The following PSD4 variants were observed in gnomAD, a reference collection of about 807,000 sequenced individuals.
PSD4 encodes the protein PH and SEC7 domain-containing protein 4.
Under a neutral mutation model 112.5 loss-of-function variants are expected in PSD4, and 59 were observed. That is an observed-to-expected ratio of 0.52 (90% confidence interval 0.43 to 0.65). The LOEUF (loss-of-function observed/expected upper bound fraction) is 0.65, where lower values mean the gene tolerates loss of function less well. PSD4 is among the 30% of genes least tolerant of loss of function. The pLI is 0.00. For synonymous variants in PSD4, 533 were observed against 540.0 expected (o/e 0.99, Z 0.18); for missense variants, 1,267 against 1,352.6 (o/e 0.94, Z 0.99).
intron 11 of PSD4, 116 bp from the exon 12 acceptor site, chr2:113,196,031 G>C: frequency 7.5e-7 from 1 of 1,335,402 alleles, no homozygotes; most frequent in Non-Finnish European, 1.0e-6. Flanking sequence ...CTTGTGGGGG[G>C]TCCTGGGGTG....
At chr2:113,198,460 C>T (rs1688673934) in intron 14 of PSD4, 4 of 355,372 alleles carry the variant, frequency 1.1e-5, no homozygotes, top group African/African-American at 2.1e-5. Flanking sequence ...TTAGTAGAGA[C>T]GGGGTTTCAC....
chr2:113,197,447 G>T (rs760176790), intron 12 of PSD4, 117 bp from the exon 13 acceptor site: 3 of 1,018,540 alleles, frequency 2.9e-6, no homozygotes, highest in Admixed American at 2.0e-5. Flanking sequence ...TGTGCATCCT[G>T]GTGAGAGACT....
At chr2:113,192,707 C>A in intron 6 of PSD4, 118 bp downstream of exon 6, 2 of 1,071,800 alleles carry the variant, frequency 1.9e-6, no homozygotes, top group South Asian at 3.1e-5. Context: ...CCCTTCCCAT[C>A]TCCCCTCCTA....
At chr2:113,198,442 G>T (rs13383829) in intron 14 of PSD4, 1 of 324,368 alleles carries the variant, frequency 3.1e-6, no homozygotes, top group Non-Finnish European at 5.6e-6. Flanking sequence ...TGGCTAATTT[G>T]TGTATTTTTA....
chr2:113,180,909 G>A (rs1369631560), intron 1 of PSD4, among the ~76,000 whole-genome samples: 11 of 152,028 alleles, frequency 7.2e-5, no homozygotes, highest in Admixed American at 7.2e-4. Flanking sequence ...AAGAAAATGA[G>A]GCAAAGGGAA....
intron 5 of PSD4, 131 bp downstream of exon 5, chr2:113,186,386 G>A: frequency 9.8e-7 from 1 of 1,020,478 alleles, no homozygotes; most frequent in Non-Finnish European, 1.4e-6. Flanking sequence ...AGGATTATAT[G>A]AGTGGGTACC....
chr2:113,180,503 C>T (rs1032243171), intron 1 of PSD4, among the ~76,000 whole-genome samples: 1 of 152,142 alleles, frequency 6.6e-6, no homozygotes, highest in African/African-American at 2.4e-5. Flanking sequence ...GGTCTGGAGC[C>T]CTGGACGAGG....
intron 5 of PSD4, among the ~76,000 whole-genome samples, chr2:113,188,390 T>C (rs1688357853): frequency 6.6e-6 from 1 of 150,792 alleles, no homozygotes; most frequent in Admixed American, 6.6e-5. Context: ...ATTACAGGCG[T>C]GTGCCACCAT....
rs761173282 is a variant in PSD4, at chr2:113,195,779, G to C, written c.2225+9G>C. On this transcript the variant is annotated intron_variant, in intron 11 of 16. Transcript: ENST00000245796. ...AAGCTCGAGTGGGCCGTGTGAGTGA[G>C]ACTCCCTTTCCCCTCTCCCTCTCAC... 1 of 1,614,142 alleles carries C rather than the reference G, an allele frequency of 6.2e-7. No homozygotes were observed. Among genetic ancestry groups the C allele is most frequent in the Non-Finnish European group, 8.5e-7 (1 of 1,180,032 alleles).
Position 113,182,993 on chromosome 2 carries a change from G to A in PSD4, c.537G>A (p.Gly179=). The A allele has an allele frequency of 6.2e-7, 1 of 1,614,174 alleles. No individual in the cohort carries two copies. The highest frequency in any genetic ancestry group is 8.5e-7 in the Non-Finnish European group (1 of 1,180,010). The change falls in exon 2 of 17, where the codon GGG becomes GGA. Residue 179 remains glycine, a synonymous_variant. Coordinates refer to ENST00000245796, the MANE Select transcript of PSD4 (RefSeq NM_012455.3). The stretch of plus-strand genomic sequence containing the variant: ...AGGAGGAGCTGGAGAAGACGGAAGG[G>A]CTCAAGGCTGGGCTGAAATGCTGTC... The part of the protein sequence containing the change: ...DLEEELEKTE[G]LKAGLKCCLP...
chr2:113,188,018 C>G (rs1378234790), intron 5 of PSD4, among the ~76,000 whole-genome samples: 4 of 151,842 alleles, frequency 2.6e-5, no homozygotes, highest in African/African-American at 9.7e-5. Context: ...AATCGGGAAC[C>G]AAAAGAGATT....
In PSD4 at chr2:113,193,273, C is replaced by T; in HGVS notation, c.1935C>T (p.Ala645=). The T allele has an allele frequency of 4.4e-6, 7 of 1,588,288 alleles. No homozygotes were observed. Among genetic ancestry groups the T allele is most frequent in the Non-Finnish European group, 6.0e-6 (7 of 1,169,126 alleles). The change falls in exon 8 of 17, where the codon GCC becomes GCT. Residue 645 remains alanine (A), a synonymous_variant. Transcript: ENST00000245796. The part of the protein sequence containing the change: ...LDRALRSFLQ[A]LVLSGETQER... ...TCCTTTGCAGGAGCTTCCTCCAGGC[C>T]TTGGTGCTCAGTGGGGAGACTCAGG...
chr2:113,203,354 G>C lies in PSD4; in HGVS notation c.*1939G>C, dbSNP rs1449583480. 6.6e-6 allele frequency: 1 copy of C among 152,118 alleles called. No individual in the cohort carries two copies. 9.4% of individuals were successfully genotyped at this position (152,118 alleles called of 1,614,324 possible). A position where few individuals can be genotyped will look rare whatever the true frequency, so the allele number is the denominator to read the frequency against. On this transcript the variant is annotated 3_prime_UTR_variant, in exon 17 of 17. Coordinates refer to ENST00000245796, the MANE Select transcript of PSD4 (RefSeq NM_012455.3). ...CAGGGATGCTGATTCAGTCAGCCTG[G>C]GTCAGAGGGATAGATAAATATGTTT...
chr2:113,186,276 C>T, intron 5 of PSD4, 21 bp downstream of exon 5: 2 of 1,539,464 alleles, frequency 1.3e-6, no homozygotes, highest in Non-Finnish European at 1.7e-6. Flanking sequence ...GACTAACTGG[C>T]TCTCATGCTC....
chr2:113,199,244 C>G lies in PSD4; in HGVS notation c.2913+18C>G, dbSNP rs2305133. 0.48 allele frequency: 691,503 copies of G among 1,450,306 alleles called. 168,955 individuals are homozygous for G. Among genetic ancestry groups the G allele is most frequent in the East Asian group, 0.64 (21,636 of 33,752 alleles). 89.8% of individuals were successfully genotyped at this position (1,450,306 alleles called of 1,614,324 possible). On this transcript the variant is annotated intron_variant, in intron 16 of 16. Coordinates refer to ENST00000245796, the MANE Select transcript of PSD4 (RefSeq NM_012455.3). ...AGTACGAGGTGAGCGGCCGAGCCCA[C>G]CTCCCCGCCGCTGCGCAGCGCCCTC...
At chr2:113,179,602 A>C (rs528758697) in intron 1 of PSD4, among the ~76,000 whole-genome samples, 3 of 152,210 alleles carry the variant, frequency 2.0e-5, no homozygotes, top group Admixed American at 1.3e-4. Flanking sequence ...CCGTATCTTG[A>C]GCCGACCTCT....
chr2:113,202,909 C>T lies in PSD4; in HGVS notation c.*1494C>T, dbSNP rs565217358. ...AATGGGTGCACAATAAATAACAGGT[C>T]AACAAAGAGGGAGGTGTGTCAGTGT... On this transcript the variant is annotated 3_prime_UTR_variant, in exon 17 of 17. Transcript: ENST00000245796. 6.6e-6 allele frequency: 1 copy of T among 152,442 alleles called. No homozygotes were observed. The highest frequency in any genetic ancestry group is 1.9e-4 in the East Asian group (1 of 5,188). The allele number at this position is 152,442 out of a possible 1,614,324, so 9.4% of individuals were successfully genotyped here.
At position 113,192,398 on chromosome 2, in the gene PSD4, G is replaced by C; in HGVS notation, c.1647G>C (p.Pro549=). ...TSAEHENLRT[P]MNSSWLPGSP... Reference sequence around the variant, plus strand: ...TCTCAAGTGAGAATCTGAGGACACCGATGAACTCTTCTTGGCTTCCTGGGA... The same window carrying C: ...TCTCAAGTGAGAATCTGAGGACACCCATGAACTCTTCTTGGCTTCCTGGGA... The change falls in exon 6 of 17, where the codon CCG becomes CCC. Residue 549 remains proline (P), a synonymous_variant. Transcript: ENST00000245796. 1 of 1,614,180 alleles carries C rather than the reference G, an allele frequency of 6.2e-7. No homozygotes were observed. The highest frequency in any genetic ancestry group is 8.5e-7 in the Non-Finnish European group (1 of 1,180,018).
rs45594939 is a variant in PSD4, at chr2:113,178,446, C to A, written c.-111-3900C>A. 4.9e-3 allele frequency among the ~76,000 whole-genome samples: 738 copies of A among 151,358 alleles called. 7 individuals are homozygous for A. Among genetic ancestry groups the A allele is most frequent in the African/African-American group, 0.017 (712 of 41,148 alleles). On this transcript the variant is annotated intron_variant, in intron 1 of 16. Transcript: ENST00000245796. ...ATTTATTTTTTTTCCTCTGAAAAAA[C>A]CCAGCAAGGAACGCTGGTTTTTTTC...
Sources: allele counts gnomAD v4.1 joint callset (sites outside exome capture counted in the v4.1 genomes callset), GRCh38; gene constraint gnomAD v4.1.1; transcripts MANE v1.5; gene names NCBI Gene and HGNC (gene_info 2026-07-23, HGNC 2026-07-21).